Variants in MDGA2 observed in about 807,000 individuals in gnomAD.
MDGA2 encodes MAM domain containing glycosylphosphatidylinositol anchor 2.
In MDGA2, 40 loss-of-function variants were observed where a neutral mutation model predicts 117.8. That is an observed-to-expected ratio of 0.34 (90% CI 0.26 to 0.44). The LOEUF (loss-of-function observed/expected upper bound fraction) is 0.44. MDGA2 is among the 20% of genes least tolerant of loss of function. MDGA2 has a pLI of 1.00. For missense variants in MDGA2, 1,123 were observed against 1,250.6 expected (o/e 0.90, Z 1.54); for synonymous variants, 452 against 439.0 (o/e 1.03, Z -0.37).
chr14:47,476,580 G>T (rs1362785710), intron 1 of MDGA2, among the ~76,000 whole-genome samples: 1 of 151,304 alleles, frequency 6.6e-6, no homozygotes, highest in Non-Finnish European at 1.5e-5. Context: ...TTTTTTTTAT[G>T]GATACATTTT....
intron 1 of MDGA2, among the ~76,000 whole-genome samples, chr14:47,484,715 C>T (rs973611435): frequency 1.4e-4 from 21 of 152,110 alleles, no homozygotes; most frequent in South Asian, 4.1e-4. Context: ...ATGGCTAAAT[C>T]GTAGGGGCAG....
At chr14:47,512,677 C>T (rs1894666190) in intron 1 of MDGA2, among the ~76,000 whole-genome samples, 1 of 152,094 alleles carries the variant, frequency 6.6e-6, no homozygotes, top group Non-Finnish European at 1.5e-5. Flanking sequence ...GAGATGACAG[C>T]ATAATCTTGA....
intron 4 of MDGA2, among the ~76,000 whole-genome samples, chr14:47,136,086 C>T (rs948471328): frequency 1.3e-5 from 2 of 151,878 alleles, no homozygotes; most frequent in African/African-American, 2.4e-5. Flanking sequence ...TTGGAAGATA[C>T]GTCAAACTTG....
intron 16 of MDGA2, among the ~76,000 whole-genome samples, chr14:46,842,720 A>G (rs1328998153): frequency 1.3e-5 from 2 of 152,196 alleles, no homozygotes; most frequent in Non-Finnish European, 2.9e-5. Flanking sequence ...ATAATTCATT[A>G]AACTAGCTAA....
At chr14:47,502,835 C>G (rs535581147) in intron 1 of MDGA2, among the ~76,000 whole-genome samples, 1 of 151,962 alleles carries the variant, frequency 6.6e-6, no homozygotes, top group East Asian at 1.9e-4. Context: ...GTCACCATGC[C>G]CGAGTAATTT....
intron 1 of MDGA2, among the ~76,000 whole-genome samples, chr14:47,406,267 A>C (rs929596905): frequency 1.3e-5 from 2 of 152,158 alleles, no homozygotes; most frequent in African/African-American, 4.8e-5. Flanking sequence ...GATAATCACA[A>C]ACTAATCTAT....
chr14:47,461,269 A>ATGTGTGTGTGTGTGTGTG (rs55889646), intron 1 of MDGA2, among the ~76,000 whole-genome samples: 9,380 of 142,832 alleles, frequency 0.066, 438 homozygotes, highest in Middle Eastern at 0.13. Flanking sequence ...AAAAAAATGT[A>ATGTGTGTGTGTGTGTGTG]TGTGTGTGTG....
intron 1 of MDGA2, among the ~76,000 whole-genome samples, chr14:47,320,931 G>A (rs73251833): frequency 0.04 from 6,032 of 152,134 alleles, 161 homozygotes; most frequent in African/African-American, 0.073. Flanking sequence ...AGATTAAACT[G>A]AACCAAAATC....
At chr14:47,529,492 C>A (rs1476112130) in intron 1 of MDGA2, among the ~76,000 whole-genome samples, 2 of 151,752 alleles carry the variant, frequency 1.3e-5, no homozygotes, top group South Asian at 2.1e-4. Flanking sequence ...ACAAACAATC[C>A]AATTATATAC....
At position 47,439,629 on chromosome 14, in the gene MDGA2, T is replaced by C. The variant is rs183409454; in HGVS notation, c.281-138079A>G. ...TTTTTGTGGTTGATTTCATGTGGTT[T>C]AAAAAGAATGCCAAATTATTTGTAC... On this transcript the variant is annotated intron_variant, in intron 1 of 16. Coordinates refer to ENST00000399232, the MANE Select transcript of MDGA2 (RefSeq NM_001113498.3). Among the ~76,000 whole-genome samples, 117 of 152,212 alleles carry C rather than the reference T, an allele frequency of 7.7e-4. No homozygotes were observed. In the South Asian group the frequency reaches 0.014, roughly 18 times the overall value.
rs1387776864 is a variant in MDGA2, at chr14:47,185,156, GA to G, written c.595+32864del. ...TATAAAGTTTTTGAATTAAAAAGAT[GA>G]ATAGAATTTTAAATAAAAAAGATGA... On this transcript the variant is annotated intron_variant, in intron 3 of 16. Coordinates refer to ENST00000399232, the MANE Select transcript of MDGA2 (RefSeq NM_001113498.3). Among the ~76,000 whole-genome samples, 8 of 150,772 alleles carry G rather than the reference GA, an allele frequency of 5.3e-5. No homozygotes were observed. In the South Asian group the frequency reaches 1.0e-3, roughly 20 times the overall value.
chr14:47,325,323 T>C (rs888977702), intron 1 of MDGA2, among the ~76,000 whole-genome samples: 6 of 152,122 alleles, frequency 3.9e-5, no homozygotes, highest in South Asian at 2.1e-4. Context: ...GAGGGAATAA[T>C]AACTTTATAC....
At chr14:46,993,013 T>C (rs936417299) in intron 8 of MDGA2, among the ~76,000 whole-genome samples, 4 of 152,148 alleles carry the variant, frequency 2.6e-5, no homozygotes, top group Admixed American at 2.6e-4. Flanking sequence ...CTATAACTTA[T>C]ACAATCTTGA....
At chr14:47,227,197 G>T (rs988733727) in intron 2 of MDGA2, among the ~76,000 whole-genome samples, 1 of 152,062 alleles carries the variant, frequency 6.6e-6, no homozygotes, top group African/African-American at 2.4e-5. Context: ...TGTTTCTCAT[G>T]AAATAAGGTA....
At chr14:47,352,703 A>G (rs1331518827) in intron 1 of MDGA2, among the ~76,000 whole-genome samples, 3 of 152,256 alleles carry the variant, frequency 2.0e-5, no homozygotes, top group Non-Finnish European at 2.9e-5. Flanking sequence ...TATTTTCAGT[A>G]AAGTTACTAC....
At chr14:47,377,517 T>C (rs993123479) in intron 1 of MDGA2, among the ~76,000 whole-genome samples, 15 of 152,140 alleles carry the variant, frequency 9.9e-5, no homozygotes, top group African/African-American at 3.6e-4. Flanking sequence ...CCCACCCTAA[T>C]ACTGTGCTTT....
At chr14:47,010,633 A>G (rs950047147) in intron 8 of MDGA2, among the ~76,000 whole-genome samples, 1 of 151,978 alleles carries the variant, frequency 6.6e-6, no homozygotes, top group African/African-American at 2.4e-5. Flanking sequence ...AAAACACATA[A>G]ATTTTGCATT....
At chr14:47,135,845 G>C (rs1202507097) in intron 4 of MDGA2, among the ~76,000 whole-genome samples, 2 of 151,926 alleles carry the variant, frequency 1.3e-5, no homozygotes, top group Non-Finnish European at 2.9e-5. Context: ...TCCTTGCTAT[G>C]AGTCATTTTT....
intron 5 of MDGA2, among the ~76,000 whole-genome samples, chr14:47,116,301 T>C (rs1234057897): frequency 6.6e-6 from 1 of 152,134 alleles, no homozygotes; most frequent in Non-Finnish European, 1.5e-5. Context: ...ATTTTATGGA[T>C]TGGAAGACTT....
Sources: allele counts gnomAD v4.1 joint callset (sites outside exome capture counted in the v4.1 genomes callset), GRCh38; gene constraint gnomAD v4.1.1; transcripts MANE v1.5; gene names NCBI Gene and HGNC (gene_info 2026-07-23, HGNC 2026-07-21).